FAM174B: variants seen among roughly 807,000 people sequenced by gnomAD.
FAM174B encodes family with sequence similarity 174 member B.
Under a neutral mutation model 10.9 loss-of-function variants are expected in FAM174B, and 12 were observed. The observed-to-expected ratio is 1.10, with a 90% CI of 0.71 to 1.79. FAM174B has a LOEUF of 1.79. Among genes scored for constraint, FAM174B ranks in the 40% most tolerant of loss-of-function variants. The pLI, the probability that FAM174B is intolerant of heterozygous loss-of-function variation, is 0.00. For synonymous variants in FAM174B, 132 were observed against 115.8 expected, an observed-to-expected ratio of 1.14 and a Z score of -0.90; for missense variants, 266 against 233.3, an observed-to-expected ratio of 1.14 and a Z score of -0.91.
Position 92,617,527 on chromosome 15 carries a change from C to T in FAM174B, c.*1929G>A, listed in dbSNP as rs571839857. 14 of 503,436 alleles carry T rather than the reference C, an allele frequency of 2.8e-5. No homozygotes were observed. Among genetic ancestry groups the T allele is most frequent in the East Asian group, 2.1e-4 (6 of 28,826 alleles). The allele number at this position is 503,436 out of a possible 1,614,324, so 31.2% of individuals were successfully genotyped here. ...GATTTGGAAGGTCACTTTCAGCAGC[C>T]GCCATTTCTGCCAGGACCAGTGGCA... On this transcript the variant is annotated 3_prime_UTR_variant, in exon 3 of 3. Transcript: ENST00000327355.
rs549391875 is a variant in FAM174B, at chr15:92,620,420, C to A, written c.477-961G>T. Among the ~76,000 whole-genome samples, 4 of 152,148 alleles carry A rather than the reference C, an allele frequency of 2.6e-5. No homozygotes were observed. The East Asian group carries it at 5.8e-4, about 22-fold the overall frequency. ...GGCTGAGGCAGGACAATGGTGTGAA[C>A]CCGGGAGGCAGAGCTCGCAGTGAGC... On this transcript the variant is annotated intron_variant, in intron 2 of 2. Transcript: ENST00000327355.
At chr15:92,643,344 ATGTGTGTGTG>A (rs61322216) in intron 1 of FAM174B, among the ~76,000 whole-genome samples, 1 of 138,180 alleles carries the variant, frequency 7.2e-6, no homozygotes, top group African/African-American at 2.6e-5. Context: ...TAGGGAAGGA[ATGTGTGTGTG>A]TGTGTGTGTG....
intron 2 of FAM174B, among the ~76,000 whole-genome samples, chr15:92,626,041 G>A (rs1468143239): frequency 1.3e-5 from 2 of 151,564 alleles, no homozygotes; most frequent in Non-Finnish European, 2.9e-5. Context: ...CCCAGATGAC[G>A]TATCTACACA....
At chr15:92,651,375 C>A in intron 1 of FAM174B, among the ~76,000 whole-genome samples, 1 of 152,160 alleles carries the variant, frequency 6.6e-6, no homozygotes, top group East Asian at 1.9e-4. Flanking sequence ...GGATACTCAA[C>A]ATACACACAT....
At position 92,618,999 on chromosome 15, in the gene FAM174B, T is replaced by C. The variant is rs1380688347; in HGVS notation, c.*457A>G. ...GCCAAAAAAGCAGCAAAGGATCAGA[T>C]GGGGTCCAATGTGTAGATCCAGTAG... On this transcript the variant is annotated 3_prime_UTR_variant, in exon 3 of 3. Transcript: ENST00000327355. 2 of 597,160 alleles carry C rather than the reference T, an allele frequency of 3.3e-6. No individual in the cohort carries two copies. The highest frequency in any genetic ancestry group is 5.9e-6 in the Non-Finnish European group (2 of 337,040). The allele number at this position is 597,160 out of a possible 1,614,324, so 37.0% of individuals were successfully genotyped here.
rs117007945 is a variant in FAM174B at position 92,618,150 on chromosome 15, A to G, written c.*1306T>C. 80 of 161,078 alleles carry G rather than the reference A, an allele frequency of 5.0e-4. No homozygotes were observed. The East Asian group carries it at 7.1e-3, about 14-fold the overall frequency. The allele number at this position is 161,078 out of a possible 1,614,324, so 10.0% of individuals were successfully genotyped here. A position where few individuals can be genotyped will look rare whatever the true frequency, so the allele number is the denominator to read the frequency against. ...AAACCCTGGAGCAAAGCCAGGAAAA[A>G]AGGGGGAGATAAAAAATAAAAAAAT... On this transcript the variant is annotated 3_prime_UTR_variant, in exon 3 of 3. Transcript: ENST00000327355.
At chr15:92,653,861 C>T (rs147779724) in intron 1 of FAM174B, among the ~76,000 whole-genome samples, 9 of 152,340 alleles carry the variant, frequency 5.9e-5, no homozygotes, top group South Asian at 2.1e-4. Flanking sequence ...GCGTTGCAGA[C>T]GGGGGCCAGC....
rs183100530 is a variant in FAM174B at position 92,618,652 on chromosome 15, T to C, written c.*804A>G. On this transcript the variant is annotated 3_prime_UTR_variant, in exon 3 of 3. Coordinates refer to ENST00000327355, the MANE Select transcript of FAM174B (RefSeq NM_207446.3). ...GAACAACAAAAAAGCACAAAGAATGTTGCTAATCACAGGCTGCCTAGCACT... is the reference window on the plus strand; with the variant it reads ...GAACAACAAAAAAGCACAAAGAATGCTGCTAATCACAGGCTGCCTAGCACT... 1.3e-5 allele frequency: 2 copies of C among 153,292 alleles called. No homozygotes were observed. Among genetic ancestry groups the C allele is most frequent in the East Asian group, 1.9e-4 (1 of 5,192 alleles). The allele number at this position is 153,292 out of a possible 1,614,324, so 9.5% of individuals were successfully genotyped here.
chr15:92,621,261 C>G (rs553751841), intron 2 of FAM174B, among the ~76,000 whole-genome samples: 1 of 152,108 alleles, frequency 6.6e-6, no homozygotes, highest in East Asian at 1.9e-4. Context: ...GTGTTCCCTA[C>G]GCTATTTTTA....
intron 1 of FAM174B, among the ~76,000 whole-genome samples, chr15:92,641,003 C>T (rs573024850): frequency 6.6e-6 from 1 of 151,736 alleles, no homozygotes; most frequent in African/African-American, 2.4e-5. Flanking sequence ...TCCCTAAAAA[C>T]CAATAAAAAA....
intron 2 of FAM174B, among the ~76,000 whole-genome samples, chr15:92,620,300 C>T (rs1315838249): frequency 6.6e-6 from 1 of 152,144 alleles, no homozygotes; most frequent in Non-Finnish European, 1.5e-5. Context: ...AGATCGCGAC[C>T]ATCCTGGCTA....
rs10557124 is a variant in FAM174B, at chr15:92,618,744, GCACACACA to G, written c.*704_*711del. Reference sequence around the variant, plus strand: ...CACACACGTGCACACGCACACACGTGCACACACACACACACACACACGCACAGTTTTTC... The same window carrying G: ...CACACACGTGCACACGCACACACGTGCACACACACACACGCACAGTTTTTC... On this transcript the variant is annotated 3_prime_UTR_variant, in exon 3 of 3. Transcript: ENST00000327355. 20 of 150,544 alleles carry G rather than the reference GCACACACA, an allele frequency of 1.3e-4. No individual in the cohort carries two copies. The highest frequency in any genetic ancestry group is 7.7e-4 in the Admixed American group (12 of 15,636). The allele number at this position is 150,544 out of a possible 1,614,324, so 9.3% of individuals were successfully genotyped here.
chr15:92,651,224 G>A (rs918840545), intron 1 of FAM174B, among the ~76,000 whole-genome samples: 3 of 152,174 alleles, frequency 2.0e-5, no homozygotes, highest in African/African-American at 7.2e-5. Flanking sequence ...AACCTACACT[G>A]GTGCCTGCTC....
chr15:92,626,136 G>A (rs74355136), intron 2 of FAM174B, among the ~76,000 whole-genome samples: 3 of 24,946 alleles, frequency 1.2e-4, no homozygotes, highest in Admixed American at 3.3e-4. Context: ...TTTTTTTTTT[G>A]AGACCAGGCC....
Position 92,655,301 on chromosome 15 carries a change from G to C in FAM174B, c.344+15C>G, listed in dbSNP as rs1257894655. ...TGTCGGCCGGCGGGGGAAGGAAGAG[G>C]GCGGGAGGGCCCACCTGAAGACGCG... On this transcript the variant is annotated intron_variant, in intron 1 of 2. Coordinates refer to ENST00000327355, the MANE Select transcript of FAM174B (RefSeq NM_207446.3). 84 of 1,542,542 alleles carry C rather than the reference G, an allele frequency of 5.4e-5. No individual in the cohort carries two copies. The highest frequency in any genetic ancestry group is 7.3e-5 in the Non-Finnish European group (83 of 1,143,492).
intron 2 of FAM174B, among the ~76,000 whole-genome samples, chr15:92,624,685 G>T (rs887440743): frequency 8.5e-5 from 13 of 152,216 alleles, no homozygotes; most frequent in African/African-American, 3.1e-4. Context: ...CCCACAAGAG[G>T]GTGGGAAGCA....
At position 92,650,851 on chromosome 15, in the gene FAM174B, G is replaced by A. The variant is rs531063897; in HGVS notation, c.344+4465C>T. Among the ~76,000 whole-genome samples the A allele has an allele frequency of 1.5e-3, 232 of 152,274 alleles. 1 individual carries two copies. The highest frequency in any genetic ancestry group is 4.9e-3 in the African/African-American group (202 of 41,528). On this transcript the variant is annotated intron_variant, in intron 1 of 2. Transcript: ENST00000327355. ...ACCTGCCAAGTAGCAGACCCAGGGG[G>A]TTCACCACACCAGGTACCTGTAGGA...
chr15:92,635,393 G>T (rs1053035727), intron 1 of FAM174B, among the ~76,000 whole-genome samples: 7 of 152,026 alleles, frequency 4.6e-5, no homozygotes, highest in Non-Finnish European at 8.8e-5. Flanking sequence ...GTGTTAATAG[G>T]GATAAAACTG....
chr15:92,626,177 C>A (rs986021999), intron 2 of FAM174B, among the ~76,000 whole-genome samples: 2 of 134,032 alleles, frequency 1.5e-5, no homozygotes, highest in Non-Finnish European at 3.0e-5. Flanking sequence ...TGGCTCACTG[C>A]AATCTCTGCC....
Sources: allele counts gnomAD v4.1 joint callset (sites outside exome capture counted in the v4.1 genomes callset), GRCh38; gene constraint gnomAD v4.1.1; transcripts MANE v1.5; gene names NCBI Gene and HGNC (gene_info 2026-07-23, HGNC 2026-07-21).